NOX3: variants seen among roughly 807,000 people sequenced by gnomAD.
NOX3 encodes the protein NADPH oxidase catalytic subunit-like 3.
In NOX3, 74 loss-of-function variants were observed where a neutral mutation model predicts 76.7. The observed-to-expected ratio is 0.96, with a 90% CI of 0.80 to 1.17. NOX3 has a LOEUF of 1.17. Ranked by LOEUF, NOX3 falls within the 50% of genes most tolerant of loss-of-function variation. The pLI is 0.00. For missense variants in NOX3, 695 were observed against 703.3 expected, an observed-to-expected ratio of 0.99 and a Z score of 0.13; for synonymous variants, 263 against 261.1, an observed-to-expected ratio of 1.01 and a Z score of -0.07.
rs1776473057 is a variant in NOX3, at chr6:155,407,015, G to A, written c.1580+115C>T. ...ACCATTGATCACCTTTTCTAAGGTA[G>A]ATGTTTTGTCTCTAATGGAGATATA... On this transcript the variant is annotated intron_variant, in intron 12 of 13. Coordinates refer to ENST00000159060, the MANE Select transcript of NOX3 (RefSeq NM_015718.3). 14 of 1,136,058 alleles carry A rather than the reference G, an allele frequency of 1.2e-5. No homozygotes were observed. In the South Asian group the frequency reaches 2.1e-4, roughly 17 times the overall value. 70.4% of individuals were successfully genotyped at this position (1,136,058 alleles called of 1,614,324 possible).
rs1485268928 is a variant in NOX3, at chr6:155,445,962, TATATATA to T, written c.341-2551_341-2545del. Among the ~76,000 whole-genome samples, 423 of 117,946 alleles carry T rather than the reference TATATATA, an allele frequency of 3.6e-3. 6 individuals carry two copies. Among genetic ancestry groups the T allele is most frequent in the African/African-American group, 0.013 (398 of 29,986 alleles). The allele number at this position is 117,946 out of a possible 152,430, so 77.4% of individuals were successfully genotyped here. A position where few individuals can be genotyped will look rare whatever the true frequency, so the allele number is the denominator to read the frequency against. ...AGATATATAATATATATATGCTATA[TATATATA>T]ATATATATATGCTATATATATATAT... On this transcript the variant is annotated intron_variant, in intron 4 of 13. Transcript: ENST00000159060.
At chr6:155,432,608 C>A (rs1776849101) in intron 7 of NOX3, among the ~76,000 whole-genome samples, 1 of 152,110 alleles carries the variant, frequency 6.6e-6, no homozygotes, top group Non-Finnish European at 1.5e-5. Context: ...TTGTTGATTT[C>A]TGGGTCTCTT....
intron 4 of NOX3, among the ~76,000 whole-genome samples, chr6:155,450,237 C>T (rs977291353): frequency 2.0e-5 from 3 of 152,144 alleles, no homozygotes; most frequent in Non-Finnish European, 4.4e-5. Flanking sequence ...TGATTGTCTC[C>T]AGGGATGTGT....
At chr6:155,435,238 C>G (rs554873819) in intron 7 of NOX3, among the ~76,000 whole-genome samples, 2 of 152,066 alleles carry the variant, frequency 1.3e-5, no homozygotes, top group Non-Finnish European at 2.9e-5. Context: ...TGCCGGCAAA[C>G]GCTGCTGGGA....
chr6:155,455,795 C>T lies in NOX3; in HGVS notation c.6G>A (p.Met2Ile). The change falls in exon 1 of 14, where the codon ATG (methionine) becomes ATA (isoleucine). Residue 2 changes from methionine to isoleucine, a missense_variant. Met to Ile is a conservative substitution (Grantham distance 10, BLOSUM62 1). Coordinates refer to ENST00000159060, the MANE Select transcript of NOX3 (RefSeq NM_015718.3). ...GACCCTCATTCAAAATCCAGCACCC[C>T]ATCATGATACTTGTTGCTCTTCGGC... is the stretch of plus-strand genomic sequence containing the variant. MMGCWILNEGLS... is the reference protein window; with the variant it reads MIGCWILNEGLS... 1.2e-6 allele frequency: 2 copies of T among 1,613,872 alleles called. No homozygotes were observed. The highest frequency in any genetic ancestry group is 1.1e-5 in the South Asian group (1 of 91,070).
chr6:155,438,396 C>T (rs760933403), intron 6 of NOX3, among the ~76,000 whole-genome samples: 11 of 152,284 alleles, frequency 7.2e-5, no homozygotes, highest in African/African-American at 1.2e-4. Context: ...CAGCAGAGTA[C>T]GGGTGAATGT....
chr6:155,426,346 T>G (rs1776754781), intron 9 of NOX3, among the ~76,000 whole-genome samples: 1 of 152,152 alleles, frequency 6.6e-6, no homozygotes, highest in South Asian at 2.1e-4. Flanking sequence ...GGCCCTTTTC[T>G]CATAGAGCTT....
intron 12 of NOX3, among the ~76,000 whole-genome samples, chr6:155,400,435 T>C (rs553399191): frequency 1.4e-4 from 22 of 152,308 alleles, no homozygotes; most frequent in African/African-American, 5.1e-4. Context: ...ATAAAATCGA[T>C]AAACAGAAGC....
intron 9 of NOX3, among the ~76,000 whole-genome samples, chr6:155,427,865 G>T (rs1289659115): frequency 1.3e-5 from 2 of 152,030 alleles, no homozygotes; most frequent in African/African-American, 4.8e-5. Context: ...CTTCTGTTAT[G>T]TGCCCAGGCT....
intron 9 of NOX3, 126 bp downstream of exon 9, chr6:155,428,668 A>G: frequency 1.2e-6 from 1 of 868,006 alleles, no homozygotes; most frequent in Non-Finnish European, 1.6e-6. Flanking sequence ...ACATTCTCAA[A>G]TTTAGACACA....
chr6:155,416,347 T>G (rs1200668997), intron 10 of NOX3, among the ~76,000 whole-genome samples: 2 of 152,188 alleles, frequency 1.3e-5, no homozygotes, highest in African/African-American at 2.4e-5. Flanking sequence ...GTTTAGAAAA[T>G]ATATTACCTC....
intron 8 of NOX3, among the ~76,000 whole-genome samples, chr6:155,430,086 G>A (rs1365067608): frequency 1.3e-5 from 2 of 152,160 alleles, no homozygotes; most frequent in African/African-American, 2.4e-5. Flanking sequence ...AGAGATACAG[G>A]ATTCTGTTAA....
intron 5 of NOX3, among the ~76,000 whole-genome samples, chr6:155,441,081 T>C (rs1776979918): frequency 6.6e-6 from 1 of 152,194 alleles, no homozygotes; most frequent in Non-Finnish European, 1.5e-5. Flanking sequence ...GACCTGTGAG[T>C]GCAAGGGACA....
rs370021425 is a variant in NOX3 at position 155,423,993 on chromosome 6, G to A, written c.1146-1137C>T. On this transcript the variant is annotated intron_variant, in intron 9 of 13. Transcript: ENST00000159060. ...CTTGACCTCATGATCCGCTCACCTCGGCCTCCCAAAGTGCTGGGATTACAG... is the reference window on the plus strand; with the variant it reads ...CTTGACCTCATGATCCGCTCACCTCAGCCTCCCAAAGTGCTGGGATTACAG... Among the ~76,000 whole-genome samples the A allele has an allele frequency of 3.9e-3, 588 of 151,954 alleles. 7 individuals carry two copies. The highest frequency in any genetic ancestry group is 0.014 in the African/African-American group (566 of 41,436).
intron 9 of NOX3, among the ~76,000 whole-genome samples, chr6:155,423,907 A>AT (rs1388613403): frequency 1.3e-5 from 2 of 151,642 alleles, no homozygotes; most frequent in African/African-American, 4.8e-5. Flanking sequence ...CGCCCAGCTA[A>AT]TTTTTTTGTA....
chr6:155,436,357 A>G, intron 7 of NOX3, 61 bp downstream of exon 7: 1 of 1,595,588 alleles, frequency 6.3e-7, no homozygotes. Flanking sequence ...CAAGCCTATA[A>G]AAACTCTGTA....
intron 12 of NOX3, 108 bp from the exon 13 acceptor site, chr6:155,397,070 T>C (rs185925216): frequency 3.8e-6 from 4 of 1,048,306 alleles, no homozygotes; most frequent in African/African-American, 1.6e-5. Context: ...TACTTATTTA[T>C]TTTTCTCCCT....
intron 10 of NOX3, among the ~76,000 whole-genome samples, chr6:155,421,798 G>A (rs1026730305): frequency 1.1e-4 from 16 of 152,112 alleles, no homozygotes; most frequent in African/African-American, 3.1e-4. Flanking sequence ...CCCCACCCCC[G>A]CAGAACTTAT....
chr6:155,396,607 C>T (rs1424460596), intron 13 of NOX3, among the ~76,000 whole-genome samples: 6 of 152,178 alleles, frequency 3.9e-5, no homozygotes, highest in African/African-American at 7.2e-5. Flanking sequence ...GTGACTTCAG[C>T]GTCCATCAGT....
Sources: gnomAD v4.1 joint callset for allele counts (sites outside exome capture counted in the v4.1 genomes callset) on GRCh38, gnomAD v4.1.1 for gene constraint, MANE v1.5 for transcripts, NCBI Gene and HGNC (gene_info 2026-07-23, HGNC 2026-07-21) for gene names.